AMBN: variants seen among roughly 807,000 people sequenced by gnomAD.
The protein encoded by AMBN is enamel matrix protein.
In AMBN, 54 loss-of-function variants were observed where a neutral mutation model predicts 48.0. The observed-to-expected ratio is 1.12, with a 90% confidence interval of 0.90 to 1.41. AMBN has a LOEUF of 1.41. Ranked by LOEUF, AMBN falls within the 40% of genes most tolerant of loss-of-function variation. The pLI is 0.00. For missense variants in AMBN, 571 were observed against 547.3 expected (o/e 1.04, Z -0.43); for synonymous variants, 186 against 190.0 (o/e 0.98, Z 0.17).
At chr4:70,602,893 A>AT in intron 8 of AMBN, 57 bp downstream of exon 8, 1 of 1,507,822 alleles carries the variant, frequency 6.6e-7, no homozygotes, top group Non-Finnish European at 9.0e-7. Flanking sequence ...TTATTTGTTC[A>AT]CTTTGTCTAT....
chr4:70,594,097 C>G (rs1296020608), intron 2 of AMBN, among the ~76,000 whole-genome samples: 2 of 152,150 alleles, frequency 1.3e-5, no homozygotes, highest in African/African-American at 2.4e-5. Flanking sequence ...TCAAAAAGAA[C>G]TATCTCTAAA....
chr4:70,593,187 G>T, intron 1 of AMBN, 140 bp from the exon 2 acceptor site: 2 of 578,570 alleles, frequency 3.5e-6, no homozygotes, highest in Non-Finnish European at 6.0e-6. Flanking sequence ...GTAACATTTA[G>T]TTTTTGTTTT....
At chr4:70,597,173 T>C (rs918261799) in intron 3 of AMBN, 124 bp downstream of exon 3, 17 of 748,006 alleles carry the variant, frequency 2.3e-5, no homozygotes, top group Non-Finnish European at 3.2e-5. Flanking sequence ...TCCTGAGGAG[T>C]GCTAGAAAAG....
intron 12 of AMBN, among the ~76,000 whole-genome samples, chr4:70,604,468 A>G (rs1737595674): frequency 1.3e-5 from 2 of 152,232 alleles, no homozygotes; most frequent in Admixed American, 1.3e-4. Context: ...ATAAAGTCAT[A>G]CAACTTGACT....
In AMBN at chr4:70,606,314, G is replaced by T. The variant is rs1737644037; in HGVS notation, c.928G>T (p.Val310Leu). The stretch of plus-strand genomic sequence containing the variant: ...CTTCACTCTGGAATTTGACTCCCCA[G>T]TGGCTGCCACCAAAGGCCCTGAGAA... ...GDFTLEFDSPVAATKGPENEE... is the reference protein window; with the variant it reads ...GDFTLEFDSPLAATKGPENEE... Residue 310 changes from valine to leucine, a missense_variant, in exon 13 of 13, where the codon GTG becomes TTG. Coordinates refer to ENST00000322937, the MANE Select transcript of AMBN (RefSeq NM_016519.6). The T allele has an allele frequency of 6.2e-7, 1 of 1,614,114 alleles. No homozygotes were observed. Among genetic ancestry groups the T allele is most frequent in the African/African-American group, 1.3e-5 (1 of 75,050 alleles).
At chr4:70,598,017 TG>T (rs543064210) in intron 3 of AMBN, among the ~76,000 whole-genome samples, 146 of 152,316 alleles carry the variant, frequency 9.6e-4, no homozygotes, top group African/African-American at 3.0e-3. Flanking sequence ...GTAAATTAAA[TG>T]GGGAGAAAGA....
Position 70,599,570 on chromosome 4 carries a change from C to T in AMBN, c.218C>T (p.Ser73Phe). 1 of 1,612,798 alleles carries T rather than the reference C, an allele frequency of 6.2e-7. No homozygotes were observed. Among genetic ancestry groups the T allele is most frequent in the Non-Finnish European group, 8.5e-7 (1 of 1,179,542 alleles). ...TACGGCTTTGGAAAATCATTTAATTCTTTGTGGATGCACGGTCTCCTCCCA... is the reference window on the plus strand; with the variant it reads ...TACGGCTTTGGAAAATCATTTAATTTTTTGTGGATGCACGGTCTCCTCCCA... Reference protein sequence around the residue: ...SRYGFGKSFNSLWMHGLLPPH... With the variant: ...SRYGFGKSFNFLWMHGLLPPH... The change falls in exon 5 of 13, where the codon TCT becomes TTT. Residue 73 changes from serine (S) to phenylalanine (F), a missense_variant. Ser to Phe is a radical substitution (Grantham distance 155, BLOSUM62 -2). Coordinates refer to ENST00000322937, the MANE Select transcript of AMBN (RefSeq NM_016519.6).
intron 2 of AMBN, among the ~76,000 whole-genome samples, chr4:70,595,921 C>T (rs908900427): frequency 8.5e-5 from 13 of 152,086 alleles, no homozygotes; most frequent in Non-Finnish European, 1.9e-4. Flanking sequence ...TTTGGGAGGC[C>T]AAGGCAGGAG....
chr4:70,592,634 A>C (rs1393768942), intron 1 of AMBN, among the ~76,000 whole-genome samples: 1 of 152,092 alleles, frequency 6.6e-6, no homozygotes, highest in African/African-American at 2.4e-5. Flanking sequence ...TTAGAAGATG[A>C]GTAAATTTCT....
intron 2 of AMBN, among the ~76,000 whole-genome samples, chr4:70,596,555 T>C (rs978695426): frequency 1.3e-5 from 2 of 152,158 alleles, no homozygotes; most frequent in African/African-American, 4.8e-5. Context: ...AATGTCATGA[T>C]CCCATGCCAT....
At chr4:70,593,790 G>C (rs1278598623) in intron 2 of AMBN, among the ~76,000 whole-genome samples, 2 of 151,678 alleles carry the variant, frequency 1.3e-5, no homozygotes, top group Non-Finnish European at 2.9e-5. Context: ...GCTTGAACCT[G>C]GGAGGCGGAG....
In AMBN at chr4:70,601,694, T is replaced by C; in HGVS notation, c.531+40T>C. 1.3e-6 allele frequency: 2 copies of C among 1,586,974 alleles called. 1 individual carries two copies. ...TTGAAGTCAGATCAGAATCACCAGC[T>C]AACCTAATAGAAGAAAACGAATTTG... On this transcript the variant is annotated intron_variant, in intron 6 of 12. Coordinates refer to ENST00000322937, the MANE Select transcript of AMBN (RefSeq NM_016519.6).
chr4:70,604,581 G>A (rs7679703), intron 12 of AMBN, among the ~76,000 whole-genome samples: 1,858 of 152,296 alleles, frequency 0.012, 32 homozygotes, highest in African/African-American at 0.041. Flanking sequence ...TACAGATCCT[G>A]TCAAGTTAAC....
At chr4:70,597,088 T>C (rs1361497189) in intron 3 of AMBN, 39 bp downstream of exon 3, 6 of 1,553,896 alleles carry the variant, frequency 3.9e-6, no homozygotes, top group Non-Finnish European at 5.3e-6. Context: ...TAACTTTACA[T>C]TGGTATATTT....
chr4:70,603,599 A>G (rs2109804345), intron 11 of AMBN, 139 bp downstream of exon 11: 1 of 903,772 alleles, frequency 1.1e-6, no homozygotes, highest in Non-Finnish European at 1.7e-6. Flanking sequence ...AATATTAAGG[A>G]GGCAAACTTC....
chr4:70,592,277 A>T lies in AMBN; in HGVS notation c.-82A>T. ...GAATGAGAAGTACAGAGCAAGTCCC[A>T]CGCACAGTCCTGAAAAAAATTTTAA... On this transcript the variant is annotated 5_prime_UTR_variant, in exon 1 of 13. Coordinates refer to ENST00000322937, the MANE Select transcript of AMBN (RefSeq NM_016519.6). 1 of 1,347,822 alleles carries T rather than the reference A, an allele frequency of 7.4e-7. No homozygotes were observed. The highest frequency in any genetic ancestry group is 1.1e-6 in the Non-Finnish European group (1 of 949,004). 83.5% of individuals were successfully genotyped at this position (1,347,822 alleles called of 1,614,324 possible). A position where few individuals can be genotyped will look rare whatever the true frequency, so the allele number is the denominator to read the frequency against.
At chr4:70,601,324 TAGAA>T in intron 5 of AMBN, 90 bp from the exon 6 acceptor site, 5 of 1,257,764 alleles carry the variant, frequency 4.0e-6, no homozygotes, top group Non-Finnish European at 5.6e-6. Flanking sequence ...CCCTTCCAGA[TAGAA>T]AGCGCCCCAA....
chr4:70,592,512 C>A, intron 1 of AMBN, 139 bp downstream of exon 1: 2 of 885,772 alleles, frequency 2.3e-6, no homozygotes, highest in South Asian at 1.6e-5. Flanking sequence ...ATTAGCATGT[C>A]CCAGAGATGA....
At position 70,599,629 on chromosome 4, in the gene AMBN, G is replaced by C; in HGVS notation, c.277G>C (p.Glu93Gln). The C allele has an allele frequency of 6.2e-7, 1 of 1,611,374 alleles. No individual in the cohort carries two copies. Among genetic ancestry groups the C allele is most frequent in the Non-Finnish European group, 8.5e-7 (1 of 1,178,318 alleles). The stretch of plus-strand genomic sequence containing the variant: ...CTCTCTTCCATGGATGAGGCCAAGA[G>C]AACATGAAACTCAACAGGTGAGTGA... The part of the protein sequence containing the change: ...HSSLPWMRPR[E>Q]HETQQYEYSL... The change falls in exon 5 of 13, where the codon GAA becomes CAA. Residue 93 changes from glutamate (E) to glutamine (Q), a missense_variant. Glu to Gln is a conservative substitution (Grantham distance 29). Coordinates refer to ENST00000322937, the MANE Select transcript of AMBN (RefSeq NM_016519.6).
Sources: gnomAD v4.1 joint callset for allele counts (sites outside exome capture counted in the v4.1 genomes callset) on GRCh38, gnomAD v4.1.1 for gene constraint, MANE v1.5 for transcripts, NCBI Gene and HGNC (gene_info 2026-07-23, HGNC 2026-07-21) for gene names.